Variants in PTPRD observed in about 807,000 individuals in gnomAD.
PTPRD encodes receptor-type tyrosine-protein phosphatase delta.
Under a neutral mutation model 214.5 loss-of-function variants are expected in PTPRD, and 34 were observed. That is an observed-to-expected ratio of 0.16 (90% CI 0.12 to 0.21). PTPRD has a LOEUF of 0.21. Among genes scored for constraint, PTPRD ranks in the 10% least tolerant of loss-of-function variants. PTPRD has a pLI of 1.00. For synonymous variants in PTPRD, 1,128 were observed against 845.7 expected (o/e 1.33, Z -5.79); for missense variants, 2,545 against 2,398.7 (o/e 1.06, Z -1.27).
chr9:9,456,910 G>A (rs1765777898), intron 8 of PTPRD, among the ~76,000 whole-genome samples: 1 of 151,810 alleles, frequency 6.6e-6, no homozygotes, highest in African/African-American at 2.4e-5. Flanking sequence ...GAAGGAAGAG[G>A]ATAGGAAAAA....
At chr9:10,334,418 C>G (rs1305045226) in intron 3 of PTPRD, among the ~76,000 whole-genome samples, 1 of 151,216 alleles carries the variant, frequency 6.6e-6, no homozygotes. Flanking sequence ...TAAAAAATAT[C>G]TATCCCACCC....
intron 8 of PTPRD, among the ~76,000 whole-genome samples, chr9:9,405,048 T>C (rs2072728877): frequency 6.6e-6 from 1 of 152,058 alleles, no homozygotes; most frequent in African/African-American, 2.4e-5. Flanking sequence ...TAATGATTTG[T>C]CAATTTTAAC....
intron 3 of PTPRD, among the ~76,000 whole-genome samples, chr9:10,184,441 A>G (rs2099319090): frequency 6.6e-6 from 1 of 152,026 alleles, no homozygotes; most frequent in African/African-American, 2.4e-5. Flanking sequence ...TAAATAAATA[A>G]ATAAATAATA....
intron 10 of PTPRD, among the ~76,000 whole-genome samples, chr9:9,132,814 A>G (rs2099844788): frequency 6.6e-6 from 1 of 152,210 alleles, no homozygotes; most frequent in South Asian, 2.1e-4. Flanking sequence ...TGCAAAATAC[A>G]TAGGGCTAGA....
intron 5 of PTPRD, among the ~76,000 whole-genome samples, chr9:9,800,046 A>G (rs893694918): frequency 2.6e-5 from 4 of 152,240 alleles, no homozygotes; most frequent in Non-Finnish European, 5.9e-5. Context: ...AGAAAAAATA[A>G]TAATAAAATA....
intron 3 of PTPRD, among the ~76,000 whole-genome samples, chr9:10,152,801 G>C (rs1040728361): frequency 1.3e-5 from 2 of 152,086 alleles, no homozygotes; most frequent in Non-Finnish European, 2.9e-5. Context: ...CTCCAGCCTG[G>C]GCAACAAGAG....
At chr9:9,703,727 A>G (rs1370029540) in intron 7 of PTPRD, among the ~76,000 whole-genome samples, 1 of 152,168 alleles carries the variant, frequency 6.6e-6, no homozygotes, top group African/African-American at 2.4e-5. Flanking sequence ...TTTTGCCAAG[A>G]ATACAAATTT....
chr9:8,736,174 G>T (rs933500888), intron 11 of PTPRD, among the ~76,000 whole-genome samples: 2 of 152,160 alleles, frequency 1.3e-5, no homozygotes, highest in Admixed American at 6.5e-5. Flanking sequence ...GGTGGTACTG[G>T]TGGGAATTAG....
intron 2 of PTPRD, among the ~76,000 whole-genome samples, chr9:10,434,901 A>G (rs1289885292): frequency 6.6e-6 from 1 of 151,802 alleles, no homozygotes; most frequent in Non-Finnish European, 1.5e-5. Context: ...GCACTTCTTT[A>G]GTGCATCTTA....
intron 11 of PTPRD, chr9:8,857,783 C>G (rs10977322): frequency 0.96 from 150,325 of 156,808 alleles, 72,239 homozygotes; most frequent in Middle Eastern, 1. Flanking sequence ...CCGCCGCCGC[C>G]GAAGCCCCCC....
chr9:9,487,127 G>C (rs1023053520), intron 8 of PTPRD, among the ~76,000 whole-genome samples: 11 of 152,076 alleles, frequency 7.2e-5, no homozygotes, highest in Non-Finnish European at 1.6e-4. Context: ...GGTTACATAT[G>C]TATACATGTG....
intron 39 of PTPRD, among the ~76,000 whole-genome samples, chr9:8,342,287 T>C (rs1361789677): frequency 1.3e-5 from 2 of 152,090 alleles, no homozygotes; most frequent in Admixed American, 6.6e-5. Context: ...TTTGAAGTCA[T>C]TATGAAAAAA....
intron 34 of PTPRD, among the ~76,000 whole-genome samples, chr9:8,442,775 G>C (rs2095590438): frequency 6.6e-6 from 1 of 152,114 alleles, no homozygotes; most frequent in South Asian, 2.1e-4. Flanking sequence ...TAAAGATAAA[G>C]AGAATATTGA....
At chr9:10,333,304 T>C (rs2096785324) in intron 3 of PTPRD, among the ~76,000 whole-genome samples, 2 of 151,728 alleles carry the variant, frequency 1.3e-5, no homozygotes, top group African/African-American at 2.4e-5. Context: ...GAGCCTTTGG[T>C]CCCTCGCGTT....
chr9:10,135,011 A>G (rs140940023), intron 3 of PTPRD, among the ~76,000 whole-genome samples: 1 of 152,154 alleles, frequency 6.6e-6, no homozygotes. Flanking sequence ...AAGATGACAT[A>G]GCAATTTTTT....
At chr9:9,281,828 C>CA (rs142471708) in intron 9 of PTPRD, among the ~76,000 whole-genome samples, 28,567 of 145,646 alleles carry the variant, frequency 0.2, 2,995 homozygotes, top group East Asian at 0.38. Flanking sequence ...CTCATAATGG[C>CA]AAAAAAAAAA....
At chr9:10,596,945 T>C (rs1391837867) in intron 2 of PTPRD, among the ~76,000 whole-genome samples, 1 of 151,534 alleles carries the variant, frequency 6.6e-6, no homozygotes, top group African/African-American at 2.4e-5. Context: ...GTTAATCAAA[T>C]AAAACATAAA....
rs568608888 is a variant in PTPRD at position 10,402,266 on chromosome 9, G to C, written c.-599-61249C>G. Among the ~76,000 whole-genome samples, 41 of 151,738 alleles carry C rather than the reference G, an allele frequency of 2.7e-4. No homozygotes were observed. The South Asian group carries it at 3.7e-3, about 14-fold the overall frequency. On this transcript the variant is annotated intron_variant, in intron 2 of 45. Coordinates refer to ENST00000381196, the MANE Select transcript of PTPRD (RefSeq NM_002839.4). ...CATGGGGATTTATGAAATATCTTGA[G>C]ATTACAGAACTGACAAAAATATTTA...
At chr9:9,332,738 A>T (rs1445332762) in intron 9 of PTPRD, among the ~76,000 whole-genome samples, 2 of 151,726 alleles carry the variant, frequency 1.3e-5, no homozygotes, top group African/African-American at 4.8e-5. Context: ...ATGAAAATAC[A>T]TTTGTACAGA....
Sources: gnomAD v4.1 joint callset for allele counts (sites outside exome capture counted in the v4.1 genomes callset) on GRCh38, gnomAD v4.1.1 for gene constraint, MANE v1.5 for transcripts, NCBI Gene and HGNC (gene_info 2026-07-23, HGNC 2026-07-21) for gene names.